IMPG1: variants seen among roughly 807,000 people sequenced by gnomAD.
The protein encoded by IMPG1 is interphotoreceptor matrix proteoglycan 1, also known as interphotoreceptor matrix proteoglycan of 150 kDa.
IMPG1 carries 85 observed loss-of-function variants against 92.0 expected under a neutral mutation model. The observed-to-expected ratio is 0.92, with a 90% CI of 0.78 to 1.11. The LOEUF (loss-of-function observed/expected upper bound fraction) is 1.11. IMPG1 is among the 50% of genes least tolerant of loss of function. IMPG1 has a pLI of 0.00. For synonymous variants in IMPG1, 367 were observed against 334.1 expected (o/e 1.10, Z -1.08); for missense variants, 1,022 against 956.0 (o/e 1.07, Z -0.91).
intron 12 of IMPG1, among the ~76,000 whole-genome samples, chr6:75,984,994 A>T (rs372881728): frequency 6.6e-6 from 1 of 152,194 alleles, no homozygotes; most frequent in Admixed American, 6.5e-5. Flanking sequence ...AGCCAATTTA[A>T]TCTCTTTTCT....
chr6:76,026,617 G>A (rs934399755), intron 4 of IMPG1, among the ~76,000 whole-genome samples: 1 of 152,232 alleles, frequency 6.6e-6, no homozygotes, highest in Non-Finnish European at 1.5e-5. Context: ...CCTGGACAAA[G>A]GGTTCAGCTC....
At chr6:76,019,686 A>G (rs1196146372) in intron 6 of IMPG1, among the ~76,000 whole-genome samples, 1 of 152,180 alleles carries the variant, frequency 6.6e-6, no homozygotes, top group African/African-American at 2.4e-5. Context: ...TCATTCATTC[A>G]AAAAAACACA....
intron 12 of IMPG1, among the ~76,000 whole-genome samples, chr6:75,964,815 T>C (rs755546989): frequency 2.0e-5 from 3 of 151,990 alleles, no homozygotes; most frequent in Non-Finnish European, 4.4e-5. Flanking sequence ...CTAGAGACAA[T>C]TCCCATCATC....
intron 12 of IMPG1, among the ~76,000 whole-genome samples, chr6:75,983,948 C>A (rs1304667263): frequency 6.6e-6 from 1 of 151,906 alleles, no homozygotes; most frequent in Non-Finnish European, 1.5e-5. Context: ...CCCAAATGGC[C>A]AACAGGTATA....
At chr6:76,013,418 AT>A (rs1363425260) in intron 7 of IMPG1, among the ~76,000 whole-genome samples, 2 of 151,462 alleles carry the variant, frequency 1.3e-5, no homozygotes, top group Non-Finnish European at 2.9e-5. Context: ...TTTCTCTTCA[AT>A]TTTTCCACCT....
chr6:76,059,172 AATTTCAGTGTTTTG>A lies in IMPG1; in HGVS notation c.67+13236_67+13249del, dbSNP rs1361905408. Among the ~76,000 whole-genome samples the A allele has an allele frequency of 2.0e-5, 3 of 152,024 alleles. No homozygotes were observed. In the South Asian group the frequency reaches 6.2e-4, roughly 32 times the overall value. On this transcript the variant is annotated intron_variant, in intron 1 of 16. Coordinates refer to ENST00000369950, the MANE Select transcript of IMPG1 (RefSeq NM_001563.4). ...GAAAAGACTGCAAATCTGGAGGTGA[AATTTCAGTGTTTTG>A]ATAGTGGGGTGGAGGGAGTGATATT...
At chr6:76,071,248 C>T (rs537775339) in intron 1 of IMPG1, among the ~76,000 whole-genome samples, 92 of 149,190 alleles carry the variant, frequency 6.2e-4, no homozygotes, top group African/African-American at 2.1e-3. Context: ...TAGAAAAAAT[C>T]GTTAAATTAA....
rs771050977 is a variant in IMPG1, at chr6:76,008,314, C to T, written c.867-814G>A. On this transcript the variant is annotated intron_variant, in intron 8 of 16. Transcript: ENST00000369950. ...TCACCAAACTGATGAACACATTTTG[C>T]ACTCCTTTGGACACATGTATGAATT... Among the ~76,000 whole-genome samples the T allele has an allele frequency of 3.9e-5, 6 of 152,296 alleles. No homozygotes were observed. In the South Asian group the frequency reaches 1.0e-3, roughly 26 times the overall value.
chr6:75,932,966 G>T (rs1781688634), intron 14 of IMPG1, among the ~76,000 whole-genome samples: 1 of 152,172 alleles, frequency 6.6e-6, no homozygotes, highest in Non-Finnish European at 1.5e-5. Flanking sequence ...CTCCCAAAGT[G>T]CTGGGATTAC....
At chr6:75,999,076 C>T (rs1446456491) in intron 12 of IMPG1, among the ~76,000 whole-genome samples, 1 of 151,972 alleles carries the variant, frequency 6.6e-6, no homozygotes, top group African/African-American at 2.4e-5. Context: ...AGGCTGGTCT[C>T]GAACTCCTGA....
At chr6:76,067,874 C>T (rs546839852) in intron 1 of IMPG1, among the ~76,000 whole-genome samples, 22 of 152,182 alleles carry the variant, frequency 1.4e-4, no homozygotes, top group East Asian at 3.9e-4. Context: ...GATGCAAAGA[C>T]GGTTCAGCAT....
chr6:76,018,997 T>C, intron 6 of IMPG1, 139 bp from the exon 7 acceptor site: 1 of 745,206 alleles, frequency 1.3e-6, no homozygotes. Flanking sequence ...TCCTTTTAAC[T>C]AGAACTTAGA....
chr6:76,068,969 A>C (rs1784357772), intron 1 of IMPG1, among the ~76,000 whole-genome samples: 1 of 152,176 alleles, frequency 6.6e-6, no homozygotes, highest in African/African-American at 2.4e-5. Flanking sequence ...ACAAAGCTAG[A>C]GGCATCACAT....
chr6:76,040,832 T>C (rs138876598), intron 2 of IMPG1, among the ~76,000 whole-genome samples: 1 of 152,216 alleles, frequency 6.6e-6, no homozygotes, highest in African/African-American at 2.4e-5. Context: ...TGGGCACATC[T>C]AACAAAAATA....
chr6:75,922,172 A>AG lies in IMPG1; in HGVS notation c.2317-7dup. On this transcript the variant is annotated splice_polypyrimidine_tract_variant and splice_region_variant and intron_variant, in intron 16 of 16. Coordinates refer to ENST00000369950, the MANE Select transcript of IMPG1 (RefSeq NM_001563.4). ...GAATTTCTTTTACTGATTACCTGAA[A>AG]GAGAAATAGTTTTAAGAACTTAAGA... 1.6e-6 allele frequency: 2 copies of AG among 1,227,350 alleles called. No individual in the cohort carries two copies. Among genetic ancestry groups the AG allele is most frequent in the East Asian group, 4.8e-5 (2 of 41,696 alleles). The allele number at this position is 1,227,350 out of a possible 1,614,324, so 76.0% of individuals were successfully genotyped here. A position where few individuals can be genotyped will look rare whatever the true frequency, so the allele number is the denominator to read the frequency against.
Position 76,018,717 on chromosome 6 carries a change from C to A in IMPG1, c.807+1G>T, listed in dbSNP as rs713993046. 1.2e-6 allele frequency: 2 copies of A among 1,612,820 alleles called. No homozygotes were observed. Among genetic ancestry groups the A allele is most frequent in the South Asian group, 1.1e-5 (1 of 90,794 alleles). On this transcript the variant is annotated splice_donor_variant, in intron 7 of 16. Coordinates refer to ENST00000369950, the MANE Select transcript of IMPG1 (RefSeq NM_001563.4). LOFTEE classifies it high-confidence loss of function. ...TGGTTGTATGGGCCGGGTCTACTCA[C>A]CTGAAGTTGGGACTTTCCTGCTAGC... is the stretch of plus-strand genomic sequence containing the variant.
Position 76,005,493 on chromosome 6 carries a change from C to G in IMPG1, c.929G>C (p.Arg310Thr). ...AGGGCTTTTTGCTTCTGCACTGTGT[C>G]TCTTAAAGATGGCCGTAAGTTGCAT... ...TEMQLTAIFK[R>T]HSAEAKSPAS... is the part of the protein sequence containing the mutation. The change falls in exon 10 of 17, where the codon AGA (arginine) becomes ACA (threonine). Residue 310 changes from arginine (R) to threonine (T), a missense_variant. Transcript: ENST00000369950. The G allele has an allele frequency of 1.9e-6, 3 of 1,613,934 alleles. No individual in the cohort carries two copies. The highest frequency in any genetic ancestry group is 2.5e-6 in the Non-Finnish European group (3 of 1,179,928).
intron 12 of IMPG1, among the ~76,000 whole-genome samples, chr6:75,997,512 T>G (rs997504072): frequency 1.3e-5 from 2 of 152,208 alleles, no homozygotes; most frequent in African/African-American, 4.8e-5. Flanking sequence ...TGGTAGTGGG[T>G]ACATCACATG....
intron 12 of IMPG1, among the ~76,000 whole-genome samples, chr6:75,998,324 AG>A (rs1405930150): frequency 3.3e-5 from 5 of 152,258 alleles, no homozygotes; most frequent in Non-Finnish European, 7.3e-5. Context: ...CTGCCAATAT[AG>A]GAATGAATAG....
Sources: gnomAD v4.1 joint callset for allele counts (sites outside exome capture counted in the v4.1 genomes callset) on GRCh38, gnomAD v4.1.1 for gene constraint, MANE v1.5 for transcripts, NCBI Gene and HGNC (gene_info 2026-07-23, HGNC 2026-07-21) for gene names.